The following C6 variants were observed in gnomAD, a reference collection of about 807,000 sequenced individuals.
C6 encodes the protein complement C6.
Under a neutral mutation model 112.9 loss-of-function variants are expected in C6, and 101 were observed. The ratio of observed to expected loss-of-function variants is 0.89; its 90% CI spans 0.76 to 1.06. The LOEUF is 1.06. C6 is among the 50% of genes least tolerant of loss of function. C6 has a pLI of 0.00. For synonymous variants in C6, 431 were observed against 384.1 expected, an observed-to-expected ratio of 1.12 and a Z score of -1.43; for missense variants, 1,202 against 1,104.6, an observed-to-expected ratio of 1.09 and a Z score of -1.25.
intron 1 of C6, among the ~76,000 whole-genome samples, chr5:41,240,629 G>A (rs1194611981): frequency 6.6e-6 from 1 of 152,168 alleles, no homozygotes; most frequent in African/African-American, 2.4e-5. Flanking sequence ...AGGCCCCTGG[G>A]AGGACTGCAC....
intron 3 of C6, among the ~76,000 whole-genome samples, chr5:41,201,023 G>T (rs1750994599): frequency 6.7e-6 from 1 of 148,866 alleles, no homozygotes; most frequent in South Asian, 2.2e-4. Flanking sequence ...TATTGTATAT[G>T]TAAATACTTA....
At chr5:41,259,027 G>A (rs1741883833) in intron 1 of C6, among the ~76,000 whole-genome samples, 1 of 152,130 alleles carries the variant, frequency 6.6e-6, no homozygotes, top group Non-Finnish European at 1.5e-5. Context: ...TATACAGTGA[G>A]ATCAACTAAC....
At chr5:41,239,545 A>G (rs574299992) in intron 1 of C6, among the ~76,000 whole-genome samples, 7 of 152,274 alleles carry the variant, frequency 4.6e-5, no homozygotes, top group Middle Eastern at 3.4e-3. Context: ...ACCCTACTAT[A>G]CTATCAAACA....
At position 41,152,563 on chromosome 5, in the gene C6, C is replaced by T. The variant is rs79322745; in HGVS notation, c.2290+1247G>A. ...AGGTTTGATAAGGAAAGGTGGCTCA[C>T]GTAAGAAGCAAAAATAAAGATGTAA... is the stretch of plus-strand genomic sequence containing the variant. On this transcript the variant is annotated intron_variant, in intron 15 of 17. Coordinates refer to ENST00000337836, the MANE Select transcript of C6 (RefSeq NM_000065.5). Among the ~76,000 whole-genome samples the T allele has an allele frequency of 6.2e-3, 941 of 152,230 alleles. 7 individuals are homozygous for T. Among genetic ancestry groups the T allele is most frequent in the African/African-American group, 0.022 (900 of 41,550 alleles).
rs184551859 is a variant in C6 at position 41,234,380 on chromosome 5, T to G, written c.-21+26814A>C. 3.0e-3 allele frequency among the ~76,000 whole-genome samples: 451 copies of G among 150,244 alleles called. 1 individual carries two copies. Among genetic ancestry groups the G allele is most frequent in the African/African-American group, 0.011 (427 of 40,552 alleles). On this transcript the variant is annotated intron_variant, in intron 1 of 17. Coordinates refer to the C6 transcript ENST00000263413. ...TTGTTTTTTGTTTTTTTTTTTTGCT[T>G]GGAAGATGTTGCATAACTTAGGGAA...
intron 1 of C6, among the ~76,000 whole-genome samples, chr5:41,253,356 G>A (rs1455361350): frequency 6.6e-6 from 1 of 152,176 alleles, no homozygotes; most frequent in African/African-American, 2.4e-5. Context: ...GCTGGAGGAG[G>A]GCCCTCACCA....
intron 1 of C6, among the ~76,000 whole-genome samples, chr5:41,225,173 T>G (rs9763907): frequency 0.077 from 11,678 of 152,216 alleles, 740 homozygotes; most frequent in African/African-American, 0.17. Flanking sequence ...CATTAACTCA[T>G]CATTTAACAT....
At chr5:41,148,354 A>G (rs1746045466) in intron 17 of C6, among the ~76,000 whole-genome samples, 1 of 152,162 alleles carries the variant, frequency 6.6e-6, no homozygotes, top group African/African-American at 2.4e-5. Flanking sequence ...ATAGAATAAC[A>G]TGTAGAGTAT....
intron 3 of C6, among the ~76,000 whole-genome samples, chr5:41,201,237 G>A (rs77636849): frequency 1.3e-5 from 2 of 152,016 alleles, no homozygotes; most frequent in Non-Finnish European, 2.9e-5. Context: ...CAACATTTTG[G>A]ATAAGGATTA....
intron 5 of C6, among the ~76,000 whole-genome samples, chr5:41,190,063 A>G (rs1750079439): frequency 6.6e-6 from 1 of 152,188 alleles, no homozygotes; most frequent in Non-Finnish European, 1.5e-5. Flanking sequence ...CAGTGCTGCA[A>G]ATAAACTTAG....
At position 41,147,542 on chromosome 5, in the gene C6, C is replaced by T. The variant is rs116977631; in HGVS notation, c.2623+1699G>A. Among the ~76,000 whole-genome samples the T allele has an allele frequency of 6.9e-4, 105 of 152,276 alleles. No individual in the cohort carries two copies. The East Asian group carries it at 0.013, about 19-fold the overall frequency. On this transcript the variant is annotated intron_variant, in intron 17 of 17. Transcript: ENST00000337836. Reference sequence around the variant, plus strand: ...GGTTTTGAGTAATAAGACCTCTCCCCTTTCCAGGACTGAGCTGAAGAACAC... The same window carrying T: ...GGTTTTGAGTAATAAGACCTCTCCCTTTTCCAGGACTGAGCTGAAGAACAC...
chr5:41,227,299 GT>G (rs150172381), intron 1 of C6, among the ~76,000 whole-genome samples: 83 of 149,972 alleles, frequency 5.5e-4, no homozygotes, highest in African/African-American at 1.0e-3. Flanking sequence ...TTTTTTAATT[GT>G]TTTTTTTTCT....
intron 16 of C6, among the ~76,000 whole-genome samples, 164 bp from the exon 17 acceptor site, chr5:41,149,646 T>C (rs1239415726): frequency 2.0e-5 from 3 of 152,182 alleles, no homozygotes; most frequent in Non-Finnish European, 2.9e-5. Context: ...AAAGTGTTGA[T>C]ATAACTGAGT....
At chr5:41,255,497 T>G (rs1270477283) in intron 1 of C6, among the ~76,000 whole-genome samples, 2 of 152,102 alleles carry the variant, frequency 1.3e-5, no homozygotes, top group Non-Finnish European at 2.9e-5. Context: ...GAAATATATA[T>G]AGTAGTACAA....
At chr5:41,153,235 A>G (rs576321986) in intron 15 of C6, among the ~76,000 whole-genome samples, 1 of 152,334 alleles carries the variant, frequency 6.6e-6, no homozygotes, top group Admixed American at 6.5e-5. Flanking sequence ...GAGAGAAAGT[A>G]TATGAAATAG....
At chr5:41,154,333 T>C (rs1746696168) in intron 14 of C6, among the ~76,000 whole-genome samples, 1 of 152,248 alleles carries the variant, frequency 6.6e-6, no homozygotes, top group Admixed American at 6.5e-5. Flanking sequence ...AAATGCAAGT[T>C]ACCACGCTAT....
At chr5:41,218,774 C>T (rs957290664) in intron 1 of C6, among the ~76,000 whole-genome samples, 4 of 151,844 alleles carry the variant, frequency 2.6e-5, no homozygotes, top group East Asian at 3.9e-4. Context: ...TTGCTTAAGC[C>T]GCATGCAGGG....
At chr5:41,158,229 A>C (rs1430879692) in intron 13 of C6, among the ~76,000 whole-genome samples, 1 of 152,182 alleles carries the variant, frequency 6.6e-6, no homozygotes, top group Non-Finnish European at 1.5e-5. Flanking sequence ...AAGGTATGTG[A>C]AAATGGTTTT....
intron 6 of C6, among the ~76,000 whole-genome samples, chr5:41,185,042 G>C (rs924119271): frequency 1.3e-5 from 2 of 152,130 alleles, no homozygotes; most frequent in Admixed American, 6.5e-5. Context: ...AAGTAAACTT[G>C]TGGATTGGTT....
Sources: allele counts gnomAD v4.1 joint callset (sites outside exome capture counted in the v4.1 genomes callset), GRCh38; gene constraint gnomAD v4.1.1; transcripts MANE v1.5; gene names NCBI Gene and HGNC (gene_info 2026-07-23, HGNC 2026-07-21).